Variants in PCDHA1 observed in about 807,000 individuals in gnomAD.
PCDHA1 encodes the protein protocadherin alpha 1, also known as protocadherin alpha-1.
Under a neutral mutation model 61.3 loss-of-function variants are expected in PCDHA1, and 42 were observed. That is an observed-to-expected ratio of 0.69 (90% confidence interval 0.54 to 0.89). The LOEUF (loss-of-function observed/expected upper bound fraction) is 0.89, where lower values mean the gene tolerates loss of function less well. Among genes scored for constraint, PCDHA1 ranks in the 40% least tolerant of loss-of-function variants. The pLI is 0.00. For synonymous variants in PCDHA1, 610 were observed against 553.8 expected (o/e 1.10, Z -1.43); for missense variants, 1,256 against 1,235.3 (o/e 1.02, Z -0.25).
chr5:140,862,658 G>A (rs547936781), intron 1 of PCDHA1: 19 of 545,608 alleles, frequency 3.5e-5, no homozygotes, highest in Admixed American at 1.9e-4. Flanking sequence ...GCGCGGGACC[G>A]GGACGCGCAG....
intron 1 of PCDHA1, chr5:140,871,242 G>A: frequency 1.2e-6 from 2 of 1,613,980 alleles, no homozygotes; most frequent in Non-Finnish European, 8.5e-7. Flanking sequence ...TGGTACTCAC[G>A]CTGCTGCTGT....
At chr5:140,829,606 G>A (rs2150171112) in intron 1 of PCDHA1, 1 of 1,612,068 alleles carries the variant, frequency 6.2e-7, no homozygotes. Flanking sequence ...GCGCGTTGTC[G>A]AGCTACATTT....
At chr5:140,948,764 G>T (rs962710607) in intron 1 of PCDHA1, among the ~76,000 whole-genome samples, 1 of 150,728 alleles carries the variant, frequency 6.6e-6, no homozygotes, top group African/African-American at 2.4e-5. Flanking sequence ...GATTTTTTTC[G>T]AATAGCCAGC....
chr5:140,857,573 G>A (rs142356019), intron 1 of PCDHA1: 83,412 of 1,596,632 alleles, frequency 0.052, 9,343 homozygotes, highest in Middle Eastern at 0.089. Flanking sequence ...CTACGTGTCG[G>A]TGCACGCGGA....
At chr5:140,876,153 G>T in intron 1 of PCDHA1, 2 of 1,613,964 alleles carry the variant, frequency 1.2e-6, no homozygotes, top group South Asian at 2.2e-5. Context: ...GGTCTGTCCA[G>T]ATTCAAATAA....
chr5:140,859,686 T>C (rs2045967077), intron 1 of PCDHA1: 1 of 154,726 alleles, frequency 6.5e-6, no homozygotes, highest in African/African-American at 2.4e-5. Context: ...AAAATTAAAA[T>C]TATTGTTCAA....
At chr5:140,940,934 G>A (rs155815) in intron 1 of PCDHA1, among the ~76,000 whole-genome samples, 48,303 of 152,082 alleles carry the variant, frequency 0.32, 8,018 homozygotes, top group East Asian at 0.53. Flanking sequence ...TGGCTACTTA[G>A]ACTACGTATT....
At position 140,835,847 on chromosome 5, in the gene PCDHA1, G is replaced by C. The variant is rs140727991; in HGVS notation, c.2394+47163G>C. 590 of 1,612,226 alleles carry C rather than the reference G, an allele frequency of 3.7e-4. 11 individuals are homozygous for C. The highest frequency in any genetic ancestry group is 6.3e-4 in the Admixed American group (38 of 59,986). On this transcript the variant is annotated intron_variant, in intron 1 of 3. Coordinates refer to ENST00000504120, the MANE Select transcript of PCDHA1 (RefSeq NM_018900.4). ...GGGACGCGGACGCGCAGAAGAACGC[G>C]CTGGTGTCCTACTCGCTGGTGGAGC...
chr5:140,845,026 C>T (rs1193060489), intron 1 of PCDHA1, among the ~76,000 whole-genome samples: 2 of 149,188 alleles, frequency 1.3e-5, no homozygotes, highest in Non-Finnish European at 3.0e-5. Flanking sequence ...CATTTATGGG[C>T]ATATTTTAGC....
chr5:140,807,789 A>T, intron 1 of PCDHA1: 1 of 1,614,162 alleles, frequency 6.2e-7, no homozygotes, highest in Non-Finnish European at 8.5e-7. Flanking sequence ...AAATCTTTAG[A>T]CAGAGAAGAA....
At chr5:140,912,523 A>G (rs550105639) in intron 1 of PCDHA1, among the ~76,000 whole-genome samples, 1 of 152,248 alleles carries the variant, frequency 6.6e-6, no homozygotes, top group East Asian at 1.9e-4. Context: ...TAGGGTTTTC[A>G]GAGTACATGA....
At position 140,878,940 on chromosome 5, in the gene PCDHA1, A is replaced by G. The variant is rs554609702; in HGVS notation, c.2394+90256A>G. ...CTTCAATCAATAATTTTAAATAAATATATGGTATTGAAATGTATTACCTGG... is the reference window on the plus strand; with the variant it reads ...CTTCAATCAATAATTTTAAATAAATGTATGGTATTGAAATGTATTACCTGG... On this transcript the variant is annotated intron_variant, in intron 1 of 3. Transcript: ENST00000504120. 9.8e-5 allele frequency among the ~76,000 whole-genome samples: 15 copies of G among 152,366 alleles called. No individual in the cohort carries two copies. In the East Asian group the frequency reaches 2.3e-3, roughly 23 times the overall value.
chr5:140,850,169 G>C (rs2150470473), intron 1 of PCDHA1: 7 of 1,594,740 alleles, frequency 4.4e-6, no homozygotes, highest in Non-Finnish European at 6.0e-6. Context: ...TGCTGGACGA[G>C]AACGACAATG....
rs782131323 is a variant in PCDHA1 at position 140,808,836 on chromosome 5, C to T, written c.2394+20152C>T. 6.2e-6 allele frequency: 10 copies of T among 1,613,098 alleles called. No individual in the cohort carries two copies. In the South Asian group the frequency reaches 9.9e-5, roughly 16 times the overall value. ...GTGCCACCTCTGGGCAGCAACGTGA[C>T]GCTGCAGGTGTTCGTGCTGGACGAA... On this transcript the variant is annotated intron_variant, in intron 1 of 3. Coordinates refer to ENST00000504120, the MANE Select transcript of PCDHA1 (RefSeq NM_018900.4).
At chr5:140,828,978 A>G in intron 1 of PCDHA1, 1 of 1,614,200 alleles carries the variant, frequency 6.2e-7, no homozygotes, top group Non-Finnish European at 8.5e-7. Context: ...TTTAGCATAG[A>G]TCGAAATACG....
chr5:140,796,344 C>A, intron 1 of PCDHA1: 1 of 1,611,278 alleles, frequency 6.2e-7, no homozygotes, highest in Non-Finnish European at 8.5e-7. Context: ...AGCCTGAGTA[C>A]ACAGTATTCG....
intron 1 of PCDHA1, among the ~76,000 whole-genome samples, chr5:140,887,455 A>T (rs1334702818): frequency 6.6e-6 from 1 of 152,134 alleles, no homozygotes; most frequent in Non-Finnish European, 1.5e-5. Flanking sequence ...ACAGTTTTTT[A>T]AAAGATATAA....
chr5:140,937,728 C>T (rs1180728000), intron 1 of PCDHA1, among the ~76,000 whole-genome samples: 4 of 151,954 alleles, frequency 2.6e-5, no homozygotes, highest in African/African-American at 7.2e-5. Flanking sequence ...CTGGCTAACA[C>T]GGTGAAACCC....
intron 1 of PCDHA1, chr5:140,795,021 G>A: frequency 6.2e-7 from 1 of 1,613,784 alleles, no homozygotes; most frequent in Non-Finnish European, 8.5e-7. Context: ...TCTCGCTTCT[G>A]CTCCTCGCAG....
Sources: allele counts gnomAD v4.1 joint callset (sites outside exome capture counted in the v4.1 genomes callset), GRCh38; gene constraint gnomAD v4.1.1; transcripts MANE v1.5; gene names NCBI Gene and HGNC (gene_info 2026-07-23, HGNC 2026-07-21).